MECOM: variants seen among roughly 807,000 people sequenced by gnomAD.
MECOM encodes histone-lysine N-methyltransferase MECOM.
A neutral mutation model predicts 116.3 loss-of-function variants in MECOM; 13 were observed. That is an observed-to-expected ratio of 0.11 (90% CI 0.07 to 0.18). The LOEUF is 0.18. MECOM is among the 10% of genes least tolerant of loss of function. MECOM has a pLI of 1.00. For synonymous variants in MECOM, 528 were observed against 535.2 expected, an observed-to-expected ratio of 0.99 and a Z score of 0.19; for missense variants, 1,299 against 1,509.0, an observed-to-expected ratio of 0.86 and a Z score of 2.31.
At chr3:169,567,367 G>A (rs952724601) in intron 1 of MECOM, among the ~76,000 whole-genome samples, 1 of 152,208 alleles carries the variant, frequency 6.6e-6, no homozygotes, top group Non-Finnish European at 1.5e-5. Context: ...CTCGTAGCTA[G>A]CATGTGGCAG....
chr3:169,528,614 T>C (rs1413621078), intron 1 of MECOM, among the ~76,000 whole-genome samples: 1 of 152,208 alleles, frequency 6.6e-6, no homozygotes, highest in African/African-American at 2.4e-5. Context: ...ATGAATAAAA[T>C]GGAAATAGTA....
chr3:169,500,766 A>G (rs2108974400), intron 1 of MECOM, among the ~76,000 whole-genome samples: 1 of 152,090 alleles, frequency 6.6e-6, no homozygotes, highest in South Asian at 2.1e-4. Flanking sequence ...TTGATTGGAT[A>G]TTTTAGGTTT....
intron 1 of MECOM, among the ~76,000 whole-genome samples, chr3:169,571,235 T>C (rs745944605): frequency 1.5e-4 from 23 of 152,108 alleles, no homozygotes; most frequent in Non-Finnish European, 2.1e-4. Context: ...TGAACTCCCA[T>C]TCACAACTGC....
intron 1 of MECOM, among the ~76,000 whole-genome samples, chr3:169,527,689 A>G (rs1224450835): frequency 6.6e-6 from 1 of 152,172 alleles, no homozygotes; most frequent in Non-Finnish European, 1.5e-5. Context: ...CAGAGATTGA[A>G]TAAAGCTCTG....
chr3:169,368,688 C>T (rs1729588158), intron 2 of MECOM, among the ~76,000 whole-genome samples: 1 of 151,994 alleles, frequency 6.6e-6, no homozygotes, highest in Non-Finnish European at 1.5e-5. Flanking sequence ...TATTCTGATG[C>T]AGTGGTCTCA....
chr3:169,255,450 G>A (rs1333274936), intron 2 of MECOM, among the ~76,000 whole-genome samples: 1 of 151,562 alleles, frequency 6.6e-6, no homozygotes, highest in Non-Finnish European at 1.5e-5. Flanking sequence ...ATAGGTAAAC[G>A]TAGATTATTG....
chr3:169,371,687 A>T (rs991131525), intron 2 of MECOM, among the ~76,000 whole-genome samples: 11 of 152,002 alleles, frequency 7.2e-5, no homozygotes, highest in Admixed American at 6.6e-5. Context: ...AAAGCCAAAA[A>T]ATAAAAAATA....
intron 2 of MECOM, among the ~76,000 whole-genome samples, chr3:169,214,107 T>C (rs554990128): frequency 6.6e-6 from 1 of 152,310 alleles, no homozygotes; most frequent in South Asian, 2.1e-4. Context: ...CATCTTTCAA[T>C]TGCTAAAGCA....
intron 2 of MECOM, among the ~76,000 whole-genome samples, chr3:169,221,600 G>T (rs34420927): frequency 6.6e-6 from 1 of 150,832 alleles, no homozygotes; most frequent in Non-Finnish European, 1.5e-5. Context: ...GGCAGCTCCT[G>T]GAAGTCACTC....
At chr3:169,595,987 T>C (rs960923560) in intron 1 of MECOM, among the ~76,000 whole-genome samples, 4 of 152,336 alleles carry the variant, frequency 2.6e-5, no homozygotes, top group East Asian at 3.9e-4. Flanking sequence ...AGAATAATGT[T>C]TATATTTTTC....
chr3:169,326,132 C>A (rs566750597), intron 2 of MECOM, among the ~76,000 whole-genome samples: 2 of 151,976 alleles, frequency 1.3e-5, no homozygotes, highest in Admixed American at 6.6e-5. Flanking sequence ...GGAAGCCTCT[C>A]GGTGGAGGCA....
chr3:169,183,757 TACATACACACACACACACACACACACAC>T lies in MECOM; in HGVS notation c.376-39953_376-39926del, dbSNP rs1271634480. Among the ~76,000 whole-genome samples the T allele has an allele frequency of 1.3e-3, 106 of 84,580 alleles. 3 individuals carry two copies. The South Asian group carries it at 0.016, about 13-fold the overall frequency. 55.5% of individuals were successfully genotyped at this position (84,580 alleles called of 152,430 possible). On this transcript the variant is annotated intron_variant, in intron 2 of 16. Transcript: ENST00000651503. ...TACGTTAAGGACTGTAGAAGATACA[TACATACACACACACACACACACACACAC>T]ACACACACACACACACACACACACA...
chr3:169,468,292 T>C (rs1273058252), intron 1 of MECOM, among the ~76,000 whole-genome samples: 1 of 152,158 alleles, frequency 6.6e-6, no homozygotes, highest in African/African-American at 2.4e-5. Flanking sequence ...CCATCCCTTA[T>C]ACAAGTTATT....
At chr3:169,149,591 G>C (rs1418873228) in intron 2 of MECOM, 2 of 413,172 alleles carry the variant, frequency 4.8e-6, no homozygotes, top group South Asian at 3.6e-5. Context: ...TCTGCCTTCC[G>C]CCTCGCCCGC....
At chr3:169,510,766 T>G (rs1755866585) in intron 1 of MECOM, among the ~76,000 whole-genome samples, 1 of 152,184 alleles carries the variant, frequency 6.6e-6, no homozygotes, top group Non-Finnish European at 1.5e-5. Context: ...CACTGGAATA[T>G]CTAATCTCTG....
At chr3:169,394,122 T>C (rs1469037436) in intron 1 of MECOM, among the ~76,000 whole-genome samples, 1 of 152,184 alleles carries the variant, frequency 6.6e-6, no homozygotes, top group Non-Finnish European at 1.5e-5. Context: ...GTTGTTGTAT[T>C]AATACGTCTA....
At chr3:169,659,221 G>C (rs1228745900) in intron 1 of MECOM, among the ~76,000 whole-genome samples, 1 of 152,086 alleles carries the variant, frequency 6.6e-6, no homozygotes, top group Non-Finnish European at 1.5e-5. Context: ...CAGAAAGCCT[G>C]GGAGCTGGGC....
intron 2 of MECOM, among the ~76,000 whole-genome samples, chr3:169,149,955 G>C (rs912701277): frequency 3.3e-5 from 5 of 149,790 alleles, no homozygotes; most frequent in South Asian, 2.1e-4. Flanking sequence ...GTGTGTGTGT[G>C]TGTGTGTGTG....
At chr3:169,523,146 T>C (rs1247887929) in intron 1 of MECOM, among the ~76,000 whole-genome samples, 4 of 152,154 alleles carry the variant, frequency 2.6e-5, no homozygotes, top group African/African-American at 9.7e-5. Flanking sequence ...ATATATTAAG[T>C]AGAAATGCAT....
Sources: allele counts gnomAD v4.1 joint callset (sites outside exome capture counted in the v4.1 genomes callset), GRCh38; gene constraint gnomAD v4.1.1; transcripts MANE v1.5; gene names NCBI Gene and HGNC (gene_info 2026-07-23, HGNC 2026-07-21).